Variants in CADPS2 observed in about 807,000 individuals in gnomAD.
CADPS2 encodes calcium dependent secretion activator 2, also known as calcium-dependent secretion activator 2.
A neutral mutation model predicts 172.5 loss-of-function variants in CADPS2; 93 were observed. The ratio of observed to expected loss-of-function variants is 0.54; its 90% confidence interval spans 0.46 to 0.64. The LOEUF is 0.64. Ranked by LOEUF, CADPS2 falls within the 30% of genes least tolerant of loss-of-function variation. CADPS2 has a pLI of 0.00. For missense variants in CADPS2, 1,420 were observed against 1,565.9 expected, an observed-to-expected ratio of 0.91 and a Z score of 1.57; for synonymous variants, 546 against 555.2, an observed-to-expected ratio of 0.98 and a Z score of 0.23.
intron 12 of CADPS2, among the ~76,000 whole-genome samples, chr7:122,475,522 G>T (rs557647177): frequency 6.6e-6 from 1 of 152,208 alleles, no homozygotes; most frequent in South Asian, 2.1e-4. Flanking sequence ...AAATTATAAA[G>T]GAAAAGAGAC....
intron 8 of CADPS2, among the ~76,000 whole-genome samples, chr7:122,533,028 C>A (rs1325846503): frequency 1.3e-5 from 2 of 151,990 alleles, no homozygotes; most frequent in Non-Finnish European, 2.9e-5. Context: ...CTCCGCACCC[C>A]CACCCCCATT....
chr7:122,700,915 T>C (rs942447127), intron 2 of CADPS2, among the ~76,000 whole-genome samples: 28 of 152,158 alleles, frequency 1.8e-4, no homozygotes, highest in Non-Finnish European at 3.7e-4. Context: ...TCCAAAGTAC[T>C]ATCATCTAAA....
At chr7:122,366,610 TACACACACACACACACAC>T (rs200926726) in intron 25 of CADPS2, among the ~76,000 whole-genome samples, 1 of 126,212 alleles carries the variant, frequency 7.9e-6, no homozygotes, top group Admixed American at 8.2e-5. Context: ...ATCTCAAAAA[TACACACACACACACACAC>T]ACACACACAC....
At chr7:122,510,655 C>G (rs1364535285) in intron 9 of CADPS2, among the ~76,000 whole-genome samples, 1 of 152,156 alleles carries the variant, frequency 6.6e-6, no homozygotes, top group East Asian at 1.9e-4. Flanking sequence ...ATGGCAGCGG[C>G]AGACACAGCA....
intron 9 of CADPS2, among the ~76,000 whole-genome samples, chr7:122,506,060 G>A (rs762463794): frequency 2.5e-4 from 38 of 152,132 alleles, no homozygotes; most frequent in African/African-American, 9.2e-4. Context: ...AAAATATGCT[G>A]CTGAAAGATT....
At chr7:122,327,772 G>GA (rs1176885268) in intron 28 of CADPS2, among the ~76,000 whole-genome samples, 13 of 151,690 alleles carry the variant, frequency 8.6e-5, no homozygotes, top group Admixed American at 1.3e-4. Flanking sequence ...AATAATCTTA[G>GA]AGAAAAAGAA....
At chr7:122,372,155 C>T (rs1390327549) in intron 25 of CADPS2, among the ~76,000 whole-genome samples, 2 of 152,160 alleles carry the variant, frequency 1.3e-5, no homozygotes, top group Non-Finnish European at 2.9e-5. Flanking sequence ...GTTTAAGTAA[C>T]TTGACTAAGA....
At chr7:122,526,549 T>C (rs1001786766) in intron 8 of CADPS2, among the ~76,000 whole-genome samples, 2 of 152,170 alleles carry the variant, frequency 1.3e-5, no homozygotes, top group South Asian at 4.1e-4. Context: ...GTACAAATAC[T>C]CTCTGGGTTC....
At chr7:122,574,203 T>C (rs1362517157) in intron 7 of CADPS2, among the ~76,000 whole-genome samples, 2 of 151,976 alleles carry the variant, frequency 1.3e-5, no homozygotes, top group Non-Finnish European at 2.9e-5. Context: ...CCAAGCAATC[T>C]GGGGGGCTGA....
At chr7:122,802,876 G>A (rs1797956653) in intron 1 of CADPS2, among the ~76,000 whole-genome samples, 1 of 152,192 alleles carries the variant, frequency 6.6e-6, no homozygotes, top group African/African-American at 2.4e-5. Flanking sequence ...GGAACGTAGA[G>A]CACAATTCCA....
chr7:122,427,472 T>C (rs943504646), intron 17 of CADPS2: 3 of 152,216 alleles, frequency 2.0e-5, no homozygotes, highest in African/African-American at 7.2e-5. Flanking sequence ...ATTTTCTTCA[T>C]TGCATTTAGA....
chr7:122,349,524 T>C (rs1003945321), intron 27 of CADPS2, among the ~76,000 whole-genome samples: 2 of 152,142 alleles, frequency 1.3e-5, no homozygotes, highest in Admixed American at 6.6e-5. Flanking sequence ...AGAATCTGTC[T>C]AGCAAAGTTA....
rs773197206 is a variant in CADPS2, at chr7:122,886,014, G to A, written c.324C>T (p.Ala108=). 1.9e-6 allele frequency: 3 copies of A among 1,607,824 alleles called. No individual in the cohort carries two copies. Among genetic ancestry groups the A allele is most frequent in the Admixed American group, 1.7e-5 (1 of 59,360 alleles). ...PFNAKQPTDM[A]RRQQKLNKQQ... is the part of the protein sequence containing the mutation. ...CGCAACTCACCTTCTGCTGCCTCCG[G>A]GCCATGTCGGTGGGCTGCTTGGCGT... Residue 108 remains alanine, a synonymous_variant, in exon 1 of 30, where the codon GCC becomes GCT. Coordinates refer to ENST00000449022, the MANE Select transcript of CADPS2 (RefSeq NM_017954.11).
intron 2 of CADPS2, among the ~76,000 whole-genome samples, chr7:122,731,956 A>G (rs1309520279): frequency 6.6e-6 from 1 of 151,784 alleles, no homozygotes; most frequent in African/African-American, 2.4e-5. Context: ...TATTCTTGTT[A>G]CTTATAATAC....
intron 24 of CADPS2, among the ~76,000 whole-genome samples, chr7:122,380,529 G>T (rs1253987661): frequency 6.6e-6 from 1 of 151,576 alleles, no homozygotes; most frequent in Non-Finnish European, 1.5e-5. Context: ...CATCAACTTA[G>T]GTCTGCTTTG....
chr7:122,866,342 T>C (rs1411394439), intron 1 of CADPS2, among the ~76,000 whole-genome samples: 1 of 152,194 alleles, frequency 6.6e-6, no homozygotes, highest in Non-Finnish European at 1.5e-5. Flanking sequence ...CTTCTACTCT[T>C]GCCCCTACAA....
intron 1 of CADPS2, among the ~76,000 whole-genome samples, chr7:122,826,178 C>G (rs1440580403): frequency 6.6e-6 from 1 of 152,164 alleles, no homozygotes; most frequent in African/African-American, 2.4e-5. Context: ...AGATAGGAGA[C>G]AGGCAGAAAT....
At chr7:122,806,390 T>A (rs1268424548) in intron 1 of CADPS2, among the ~76,000 whole-genome samples, 1 of 152,172 alleles carries the variant, frequency 6.6e-6, no homozygotes, top group African/African-American at 2.4e-5. Context: ...TCTAACGAAA[T>A]GTGATTGGGA....
Position 122,320,113 on chromosome 7 carries a change from TAAA to T in CADPS2, c.*49_*51del. The T allele has an allele frequency of 7.1e-7, 1 of 1,408,066 alleles. No homozygotes were observed. The highest frequency in any genetic ancestry group is 9.3e-7 in the Non-Finnish European group (1 of 1,070,124). 87.2% of individuals were successfully genotyped at this position (1,408,066 alleles called of 1,614,324 possible). On this transcript the variant is annotated 3_prime_UTR_variant, in exon 30 of 30. Coordinates refer to ENST00000449022, the MANE Select transcript of CADPS2 (RefSeq NM_017954.11). ...AATTACAAGGACAAGGTTAAAAAAA[TAAA>T]AAACAATGTCGATCAAGGTCTTCCT...
Sources: gnomAD v4.1 joint callset for allele counts (sites outside exome capture counted in the v4.1 genomes callset) on GRCh38, gnomAD v4.1.1 for gene constraint, MANE v1.5 for transcripts, NCBI Gene and HGNC (gene_info 2026-07-23, HGNC 2026-07-21) for gene names.